The following DCC variants were observed in gnomAD, a reference collection of about 807,000 sequenced individuals.
The protein encoded by DCC is netrin receptor DCC.
DCC carries 58 observed loss-of-function variants against 172.5 expected under a neutral mutation model. The observed-to-expected ratio is 0.34, with a 90% CI of 0.27 to 0.42. The LOEUF (loss-of-function observed/expected upper bound fraction) is 0.42. Ranked by LOEUF, DCC falls within the 10% of genes least tolerant of loss-of-function variation. The pLI is 1.00. For synonymous variants in DCC, 709 were observed against 644.5 expected, an observed-to-expected ratio of 1.10 and a Z score of -1.52; for missense variants, 1,740 against 1,791.0, an observed-to-expected ratio of 0.97 and a Z score of 0.51.
rs531479748 is a variant in DCC, at chr18:53,335,867, CAAGAG to C, written c.2165-3838_2165-3834del. ...AAGGCACATCTCACATGGCGGCAGA[CAAGAG>C]AAGAGAACTTGTGCAGGGAAAGTCC... On this transcript the variant is annotated intron_variant, in intron 14 of 28. Coordinates refer to ENST00000442544, the MANE Select transcript of DCC (RefSeq NM_005215.4). Among the ~76,000 whole-genome samples, 544 of 152,242 alleles carry C rather than the reference CAAGAG, an allele frequency of 3.6e-3. 1 individual carries two copies. Among genetic ancestry groups the C allele is most frequent in the Non-Finnish European group, 5.8e-3 (395 of 68,016 alleles).
chr18:53,055,244 G>T (rs571168063), intron 5 of DCC, among the ~76,000 whole-genome samples: 1 of 152,254 alleles, frequency 6.6e-6, no homozygotes, highest in East Asian at 1.9e-4. Flanking sequence ...GGGATGAATT[G>T]CTGTAGAACC....
chr18:53,398,548 T>C (rs1909099619), intron 18 of DCC, among the ~76,000 whole-genome samples: 1 of 152,154 alleles, frequency 6.6e-6, no homozygotes. Context: ...CAGTCTACTC[T>C]TCCTTTTTAC....
chr18:53,365,454 A>G (rs74561762), intron 15 of DCC, among the ~76,000 whole-genome samples: 1 of 144,542 alleles, frequency 6.9e-6, no homozygotes, highest in Non-Finnish European at 1.5e-5. Flanking sequence ...CTGAAAAAAA[A>G]AAAAAAGAAA....
intron 5 of DCC, among the ~76,000 whole-genome samples, chr18:53,001,747 T>C (rs2143844986): frequency 6.6e-6 from 1 of 152,218 alleles, no homozygotes; most frequent in East Asian, 1.9e-4. Flanking sequence ...ATGGGAAAAG[T>C]CCCCCTTTAA....
At chr18:52,565,480 C>T (rs1414427329) in intron 1 of DCC, among the ~76,000 whole-genome samples, 6 of 152,162 alleles carry the variant, frequency 3.9e-5, no homozygotes, top group Admixed American at 1.3e-4. Flanking sequence ...GTTCCTATTT[C>T]TCCACATCCT....
At chr18:53,125,808 C>T (rs113045100) in intron 7 of DCC, among the ~76,000 whole-genome samples, 43 of 152,208 alleles carry the variant, frequency 2.8e-4, no homozygotes, top group African/African-American at 9.9e-4. Flanking sequence ...TAACTTAACA[C>T]GAGTTCCCAG....
chr18:53,437,582 CAAAAAAAAAAA>C (rs74180424), intron 22 of DCC, among the ~76,000 whole-genome samples: 1 of 20,836 alleles, frequency 4.8e-5, no homozygotes, highest in East Asian at 4.7e-3. Context: ...GGCTCCATCT[CAAAAAAAAAAA>C]AAAAAAAAAA....
At chr18:53,383,684 A>AT (rs569556483) in intron 15 of DCC, among the ~76,000 whole-genome samples, 134 of 151,692 alleles carry the variant, frequency 8.8e-4, no homozygotes, top group East Asian at 6.0e-3. Flanking sequence ...GTTTCCAGAC[A>AT]TTTTTTAGCA....
intron 1 of DCC, among the ~76,000 whole-genome samples, chr18:52,684,717 T>C (rs1374548508): frequency 6.7e-6 from 1 of 149,482 alleles, no homozygotes; most frequent in Admixed American, 6.8e-5. Flanking sequence ...ACTGGCCTTT[T>C]ACATAGTTTC....
At chr18:53,325,630 T>G (rs1036906359) in intron 14 of DCC, among the ~76,000 whole-genome samples, 45 of 152,240 alleles carry the variant, frequency 3.0e-4, no homozygotes, top group African/African-American at 1.1e-3. Flanking sequence ...AGAATCTCTA[T>G]GCCATGCTCA....
intron 1 of DCC, among the ~76,000 whole-genome samples, chr18:52,655,956 ATGTGTGTGTGTG>A (rs58903211): frequency 3.0e-4 from 41 of 135,412 alleles, no homozygotes; most frequent in African/African-American, 1.0e-3. Flanking sequence ...TTAAATATAT[ATGTGTGTGTGTG>A]TGTGTGTGTG....
In DCC at chr18:53,084,909, G is replaced by A. The variant is rs115369004; in HGVS notation, c.1261+18743G>A. On this transcript the variant is annotated intron_variant, in intron 7 of 28. Coordinates refer to ENST00000442544, the MANE Select transcript of DCC (RefSeq NM_005215.4). ...AAAATTCTTACAGAAATTGGACAAT[G>A]TTGAACAAATAGTGATTTTTAAAAT... 9.1e-3 allele frequency among the ~76,000 whole-genome samples: 1,387 copies of A among 152,298 alleles called. 22 individuals carry two copies. The highest frequency in any genetic ancestry group is 0.031 in the African/African-American group (1,299 of 41,560).
intron 1 of DCC, among the ~76,000 whole-genome samples, chr18:52,695,518 C>G (rs1408676987): frequency 6.6e-6 from 1 of 152,168 alleles, no homozygotes; most frequent in East Asian, 1.9e-4. Context: ...GAATTTTGGA[C>G]ATAGTTATAG....
At chr18:52,354,824 T>G (rs2144253842) in intron 1 of DCC, among the ~76,000 whole-genome samples, 1 of 152,308 alleles carries the variant, frequency 6.6e-6, no homozygotes, top group South Asian at 2.1e-4. Flanking sequence ...GTTTATTCTG[T>G]TTTCTTTTTC....
intron 1 of DCC, among the ~76,000 whole-genome samples, chr18:52,699,283 C>A (rs116399729): frequency 1.3e-3 from 199 of 152,252 alleles, no homozygotes; most frequent in African/African-American, 4.2e-3. Context: ...CCCCCTGAGA[C>A]CCTGCTCCTC....
chr18:52,720,233 T>C (rs928130496), intron 1 of DCC, among the ~76,000 whole-genome samples: 1 of 152,178 alleles, frequency 6.6e-6, no homozygotes, highest in Non-Finnish European at 1.5e-5. Context: ...ATCATCCATA[T>C]GGAATTGACT....
chr18:52,645,034 T>C (rs2034992676), intron 1 of DCC, among the ~76,000 whole-genome samples: 1 of 152,116 alleles, frequency 6.6e-6, no homozygotes, highest in South Asian at 2.1e-4. Flanking sequence ...TTTTTGTTGC[T>C]GTTGTTTGTT....
At chr18:53,485,298 T>A (rs1415479057) in intron 25 of DCC, among the ~76,000 whole-genome samples, 1 of 152,034 alleles carries the variant, frequency 6.6e-6, no homozygotes, top group Non-Finnish European at 1.5e-5. Context: ...TTTAAAAAAA[T>A]TCTATTAATG....
chr18:52,927,765 A>T (rs2040242669), intron 5 of DCC, among the ~76,000 whole-genome samples: 1 of 152,104 alleles, frequency 6.6e-6, no homozygotes, highest in Non-Finnish European at 1.5e-5. Flanking sequence ...AATAACAGAT[A>T]TTGCCGGGGT....
Sources: allele counts gnomAD v4.1 joint callset (sites outside exome capture counted in the v4.1 genomes callset), GRCh38; gene constraint gnomAD v4.1.1; transcripts MANE v1.5; gene names NCBI Gene and HGNC (gene_info 2026-07-23, HGNC 2026-07-21).